The following CHAF1A variants were observed in gnomAD, a reference collection of about 807,000 sequenced individuals.
CHAF1A encodes chromatin assembly factor 1 subunit A, also known as CAF-1 subunit A.
In CHAF1A, 5 loss-of-function variants were observed where a neutral mutation model predicts 93.2. The observed-to-expected ratio is 0.05, with a 90% CI of 0.03 to 0.11. CHAF1A has a LOEUF of 0.11. Ranked by LOEUF, CHAF1A falls within the 10% of genes least tolerant of loss-of-function variation. The pLI, the probability that CHAF1A is intolerant of heterozygous loss-of-function variation, is 1.00. For missense variants in CHAF1A, 1,102 were observed against 1,259.9 expected, an observed-to-expected ratio of 0.87 and a Z score of 1.90; for synonymous variants, 504 against 510.3, an observed-to-expected ratio of 0.99 and a Z score of 0.17.
At chr19:4,405,050 T>C (rs1973655063) in intron 1 of CHAF1A, among the ~76,000 whole-genome samples, 1 of 152,116 alleles carries the variant, frequency 6.6e-6, no homozygotes, top group South Asian at 2.1e-4. Flanking sequence ...TTGGGGATCA[T>C]GGGAATGAAA....
chr19:4,428,836 C>G lies in CHAF1A; in HGVS notation c.1550C>G (p.Pro517Arg). Residue 517 changes from proline (P) to arginine (R), a missense_variant, in exon 8 of 15, where the codon CCC becomes CGC. Pro to Arg is a moderately radical substitution (Grantham distance 103). Coordinates refer to ENST00000301280, the MANE Select transcript of CHAF1A (RefSeq NM_005483.3). ...TTGAAAGACCTCAAAGGCCGGCAGC[C>G]CCTGAGGTCCGGACCCACGCACGTT... The part of the protein sequence containing the change: ...SFLKDLKGRQ[P>R]LRSGPTHVST... The G allele has an allele frequency of 6.2e-7, 1 of 1,613,944 alleles. No homozygotes were observed. The highest frequency in any genetic ancestry group is 8.5e-7 in the Non-Finnish European group (1 of 1,180,036).
chr19:4,413,219 G>A (rs1212666635), intron 3 of CHAF1A, among the ~76,000 whole-genome samples: 1 of 152,022 alleles, frequency 6.6e-6, no homozygotes, highest in Non-Finnish European at 1.5e-5. Context: ...TTACAGGCAC[G>A]CGCCACCAGG....
intron 3 of CHAF1A, among the ~76,000 whole-genome samples, chr19:4,416,944 A>G (rs1973906377): frequency 6.6e-6 from 1 of 152,152 alleles, no homozygotes; most frequent in South Asian, 2.1e-4. Flanking sequence ...CAGAATGTAA[A>G]TTAGTGGTGC....
chr19:4,411,644 C>CATTTTTTTTTTTTTTTTTTTTTTT (rs1973801817), intron 3 of CHAF1A, among the ~76,000 whole-genome samples: 1 of 48,204 alleles, frequency 2.1e-5, no homozygotes, highest in Non-Finnish European at 4.1e-5. Flanking sequence ...TGGTGCAAAT[C>CATTTTTTTTTTTTTTTTTTTTTTT]TTTTTTTTTT....
downstream of CHAF1A, chr19:4,447,632 T>A (rs1243392151): frequency 6.8e-6 from 11 of 1,613,660 alleles, no homozygotes; most frequent in Non-Finnish European, 5.1e-6. Flanking sequence ...GTACCTGGGG[T>A]AGGTGGAGAA....
intron 10 of CHAF1A, 133 bp from the exon 11 acceptor site, chr19:4,430,416 G>A: frequency 3.3e-6 from 2 of 603,200 alleles, no homozygotes; most frequent in African/African-American, 1.9e-5. Context: ...GACTTCAGAT[G>A]ATCCGCCCAC....
intron 9 of CHAF1A, 25 bp from the exon 10 acceptor site, chr19:4,429,683 G>A: frequency 6.2e-7 from 1 of 1,613,994 alleles, no homozygotes; most frequent in Non-Finnish European, 8.5e-7. Context: ...AGACAGTTGT[G>A]AGTCCCATGT....
chr19:4,409,467 A>G lies in CHAF1A; in HGVS notation c.668A>G (p.Asp223Gly). 1 of 1,614,084 alleles carries G rather than the reference A, an allele frequency of 6.2e-7. No homozygotes were observed. Among genetic ancestry groups the G allele is most frequent in the Non-Finnish European group, 8.5e-7 (1 of 1,179,998 alleles). ...GPRMCPRKEQ[D>G]SWSEAGGILF... is the part of the protein sequence containing the mutation. ...AGAATGTGCCCCAGAAAGGAGCAGG[A>G]CAGTTGGAGTGAAGCTGGGGGCATC... is the stretch of plus-strand genomic sequence containing the variant. The change falls in exon 3 of 15, where the codon GAC becomes GGC. Residue 223 changes from aspartate (D) to glycine (G), a missense_variant. Physicochemically the swap from Asp to Gly is moderately conservative, Grantham distance 94. Around this residue, in one of 6 missense-constraint regions of CHAF1A, gnomAD observed 379 missense variants for 365.7 expected, o/e 1.04. Transcript: ENST00000301280.
At chr19:4,403,383 C>G (rs1322745782) in intron 1 of CHAF1A, among the ~76,000 whole-genome samples, 2 of 152,182 alleles carry the variant, frequency 1.3e-5, no homozygotes, top group African/African-American at 4.8e-5. Context: ...GTCTTTGGAG[C>G]CCACCACAGG....
At chr19:4,446,785 C>T, downstream of CHAF1A, 1 of 1,613,456 alleles carries the variant, frequency 6.2e-7, no homozygotes, top group Non-Finnish European at 8.5e-7. Context: ...GCCCTCCTGC[C>T]CCGAGGCCCC....
downstream of CHAF1A, chr19:4,447,145 C>A: frequency 3.3e-6 from 2 of 599,654 alleles, no homozygotes; most frequent in Non-Finnish European, 5.9e-6. Context: ...CACAACCAGG[C>A]ACGAAGAGTG....
At chr19:4,441,463 C>T (rs1974387126) in intron 13 of CHAF1A, among the ~76,000 whole-genome samples, 1 of 151,576 alleles carries the variant, frequency 6.6e-6, no homozygotes, top group Non-Finnish European at 1.5e-5. Context: ...CAAAAATTAG[C>T]TGGGCGTGAT....
At chr19:4,445,556 G>T, downstream of CHAF1A, 1 of 1,613,828 alleles carries the variant, frequency 6.2e-7, no homozygotes, top group South Asian at 1.1e-5. Context: ...GTCCGGCTCG[G>T]CCCCCGCGGC....
chr19:4,437,048 G>T (rs1478016227), intron 13 of CHAF1A, among the ~76,000 whole-genome samples: 4 of 152,234 alleles, frequency 2.6e-5, no homozygotes, highest in Non-Finnish European at 5.9e-5. Flanking sequence ...CCTGCTAATG[G>T]ATGGCAGTGG....
At chr19:4,415,858 G>A (rs1973888014) in intron 3 of CHAF1A, among the ~76,000 whole-genome samples, 1 of 152,088 alleles carries the variant, frequency 6.6e-6, no homozygotes, top group Non-Finnish European at 1.5e-5. Flanking sequence ...TCCTAGTCAG[G>A]GGTTCAGCTT....
At chr19:4,449,995 C>T (rs999347453), downstream of CHAF1A, 2 of 151,890 alleles carry the variant, frequency 1.3e-5, no homozygotes, top group Non-Finnish European at 2.9e-5. Context: ...TTTGGGAGGC[C>T]GAGGCGGTCG....
intron 10 of CHAF1A, 63 bp downstream of exon 10, chr19:4,429,851 G>T: frequency 7.0e-7 from 1 of 1,424,842 alleles, no homozygotes; most frequent in East Asian, 2.3e-5. Flanking sequence ...CTGTCCCACA[G>T]TGAGGGGCTA....
intron 2 of CHAF1A, among the ~76,000 whole-genome samples, chr19:4,407,206 A>G (rs1312980736): frequency 6.6e-6 from 1 of 151,826 alleles, no homozygotes; most frequent in Admixed American, 6.6e-5. Context: ...TGACAGAGCA[A>G]GACTCTGTCT....
rs1568180794 is a variant in CHAF1A at position 4,433,260 on chromosome 19, C to G, written c.2394C>G (p.Leu798=). 1 of 1,614,228 alleles carries G rather than the reference C, an allele frequency of 6.2e-7. No individual in the cohort carries two copies. The highest frequency in any genetic ancestry group is 8.5e-7 in the Non-Finnish European group (1 of 1,180,046). Residue 798 remains leucine (L), a synonymous_variant, in exon 13 of 15, where the codon CTC becomes CTG. Coordinates refer to ENST00000301280, the MANE Select transcript of CHAF1A (RefSeq NM_005483.3). The surrounding 1 kb of genome is among the most constrained non-coding windows in gnomAD (Gnocchi z 5.6). The part of the protein sequence containing the change: ...EDAAIPSKSR[L]KRLISENSVY... ...CCGCCATCCCCTCTAAGTCCCGGCT[C>G]AAGCGGCTCATTTCCGAGAACTCAG...
Sources: allele counts gnomAD v4.1 joint callset (sites outside exome capture counted in the v4.1 genomes callset), GRCh38; gene constraint gnomAD v4.1.1; regional missense constraint gnomAD v4.1.1; non-coding constraint Gnocchi (gnomAD v3.1); transcripts MANE v1.5; gene names NCBI Gene and HGNC (gene_info 2026-07-23, HGNC 2026-07-21).